TENM3: variants seen among roughly 807,000 people sequenced by gnomAD.
TENM3 encodes teneurin transmembrane protein 3, also known as teneurin-3.
TENM3 carries 63 observed loss-of-function variants against 255.1 expected under a neutral mutation model. The ratio of observed to expected loss-of-function variants is 0.25; its 90% confidence interval spans 0.20 to 0.30. The LOEUF is 0.30. Ranked by LOEUF, TENM3 falls within the 10% of genes least tolerant of loss-of-function variation. The pLI, the probability that TENM3 is intolerant of heterozygous loss-of-function variation, is 1.00. For synonymous variants in TENM3, 1,306 were observed against 1,322.3 expected (o/e 0.99, Z 0.27); for missense variants, 2,929 against 3,461.1 (o/e 0.85, Z 3.86).
the TENM3 span, among the ~76,000 whole-genome samples, chr4:181,879,968 CA>C: frequency 1.3e-5 from 2 of 152,000 alleles, no homozygotes; most frequent in African/African-American, 4.8e-5. Context: ...GTTAATTTTC[CA>C]AAATTCAACT....
At chr4:182,088,216 A>C in the TENM3 span, among the ~76,000 whole-genome samples, 15,691 of 152,234 alleles carry the variant, frequency 0.1, 1,418 homozygotes, top group African/African-American at 0.24. Flanking sequence ...TTATATTTAC[A>C]AATGATTTTC....
intron 12 of TENM3, among the ~76,000 whole-genome samples, chr4:182,694,507 T>TTG (rs1757244839): frequency 6.6e-6 from 1 of 152,234 alleles, no homozygotes; most frequent in Non-Finnish European, 1.5e-5. Flanking sequence ...GAGTTGTATA[T>TTG]TGAGCTACAT....
chr4:182,517,601 T>C (rs545845493), intron 3 of TENM3, among the ~76,000 whole-genome samples: 1 of 130,964 alleles, frequency 7.6e-6, no homozygotes, highest in South Asian at 2.2e-4. Flanking sequence ...GCCAGGATGG[T>C]CTCGATCTCC....
chr4:181,666,661 C>T, the TENM3 span, among the ~76,000 whole-genome samples: 1 of 152,140 alleles, frequency 6.6e-6, no homozygotes, highest in Non-Finnish European at 1.5e-5. Context: ...TAAAACTCAA[C>T]AGTAGCTGCA....
chr4:181,938,858 G>A, the TENM3 span, among the ~76,000 whole-genome samples: 23 of 152,160 alleles, frequency 1.5e-4, 1 homozygote, highest in Non-Finnish European at 3.4e-4. Flanking sequence ...TTAATAGGAA[G>A]AATAATCTAT....
chr4:181,876,755 A>C, the TENM3 span, among the ~76,000 whole-genome samples: 1 of 152,092 alleles, frequency 6.6e-6, no homozygotes, highest in African/African-American at 2.4e-5. Flanking sequence ...AGAACATTAG[A>C]TATGCAAAGT....
At chr4:181,997,811 A>G in the TENM3 span, among the ~76,000 whole-genome samples, 1 of 152,202 alleles carries the variant, frequency 6.6e-6, no homozygotes, top group African/African-American at 2.4e-5. Context: ...TAACTAATAA[A>G]AAAGGTCTAT....
At chr4:182,488,135 G>A (rs1734937941) in intron 3 of TENM3, among the ~76,000 whole-genome samples, 1 of 152,146 alleles carries the variant, frequency 6.6e-6, no homozygotes, top group African/African-American at 2.4e-5. Flanking sequence ...ATAATGATGG[G>A]CAAGACGGTG....
At position 182,452,037 on chromosome 4, in the gene TENM3, A is replaced by G. The variant is rs140665479; in HGVS notation, c.511+105108A>G. On this transcript the variant is annotated intron_variant, in intron 3 of 27. Coordinates refer to ENST00000511685, the MANE Select transcript of TENM3 (RefSeq NM_001080477.4). The stretch of plus-strand genomic sequence containing the variant: ...TAAAGAAAGTTTAAATTTCACACTA[A>G]TATGATATATTAATGCTTTATTATG... Among the ~76,000 whole-genome samples the G allele has an allele frequency of 1.8e-3, 280 of 152,348 alleles. 1 individual carries two copies. The highest frequency in any genetic ancestry group is 6.1e-3 in the African/African-American group (254 of 41,580).
At chr4:182,704,300 A>G (rs571316486) in intron 12 of TENM3, among the ~76,000 whole-genome samples, 9 of 152,320 alleles carry the variant, frequency 5.9e-5, no homozygotes, top group South Asian at 4.1e-4. Flanking sequence ...TGCATAGGCT[A>G]TGCACATCCC....
At chr4:182,155,073 C>T (rs566677690) in intron 1 of TENM3, among the ~76,000 whole-genome samples, 11 of 152,056 alleles carry the variant, frequency 7.2e-5, no homozygotes, top group Admixed American at 3.3e-4. Context: ...ATTTAGTCAG[C>T]GTCAATCAAA....
the TENM3 span, among the ~76,000 whole-genome samples, chr4:181,793,055 A>G: frequency 0.77 from 116,412 of 152,030 alleles, 44,706 homozygotes; most frequent in South Asian, 0.82. Context: ...CCAAATGTTG[A>G]GAGAGACGCT....
the TENM3 span, among the ~76,000 whole-genome samples, chr4:181,954,052 T>A: frequency 6.6e-6 from 1 of 152,224 alleles, no homozygotes; most frequent in South Asian, 2.1e-4. Context: ...GAATTTCATT[T>A]AAATTGTCTT....
chr4:181,506,519 C>A, the TENM3 span, among the ~76,000 whole-genome samples: 1 of 152,150 alleles, frequency 6.6e-6, no homozygotes, highest in East Asian at 1.9e-4. Context: ...AGATATTCAT[C>A]ATGGAGAAGT....
At chr4:182,430,735 G>C (rs1172530150) in intron 3 of TENM3, among the ~76,000 whole-genome samples, 1 of 151,960 alleles carries the variant, frequency 6.6e-6, no homozygotes, top group Admixed American at 6.6e-5. Context: ...ACTTTGGGCT[G>C]GGCGTGGTGG....
At chr4:182,388,600 C>A (rs1768177886) in intron 3 of TENM3, among the ~76,000 whole-genome samples, 1 of 152,198 alleles carries the variant, frequency 6.6e-6, no homozygotes, top group African/African-American at 2.4e-5. Context: ...GCTCTGCTGG[C>A]TTTTCAAACA....
At chr4:181,928,491 A>G in the TENM3 span, among the ~76,000 whole-genome samples, 1,154 of 152,120 alleles carry the variant, frequency 7.6e-3, 7 homozygotes, top group Middle Eastern at 0.014. Flanking sequence ...AAAAAGAATG[A>G]GTAGGAAAGA....
At chr4:182,230,255 TC>T (rs1014888868) in intron 1 of TENM3, among the ~76,000 whole-genome samples, 1 of 151,850 alleles carries the variant, frequency 6.6e-6, no homozygotes, top group African/African-American at 2.4e-5. Flanking sequence ...GCGCAAAATG[TC>T]CCTGCACACG....
intron 1 of TENM3, among the ~76,000 whole-genome samples, chr4:182,232,258 C>T (rs114391402): frequency 0.016 from 2,375 of 152,286 alleles, 33 homozygotes; most frequent in Non-Finnish European, 0.024. Context: ...CGTGTTGGTC[C>T]TGGAAAGAAT....
Sources: gnomAD v4.1 joint callset for allele counts (sites outside exome capture counted in the v4.1 genomes callset) on GRCh38, gnomAD v4.1.1 for gene constraint, MANE v1.5 for transcripts, NCBI Gene and HGNC (gene_info 2026-07-23, HGNC 2026-07-21) for gene names.